Variants in SPTY2D1 observed in about 807,000 individuals in gnomAD.
SPTY2D1 encodes the protein SPT2 chromatin protein domain containing 1.
SPTY2D1 carries 21 observed loss-of-function variants against 64.0 expected under a neutral mutation model. The observed-to-expected ratio is 0.33, with a 90% CI of 0.23 to 0.47. The LOEUF (loss-of-function observed/expected upper bound fraction) is 0.47. Among genes scored for constraint, SPTY2D1 ranks in the 20% least tolerant of loss-of-function variants. The pLI is 1.00. For synonymous variants in SPTY2D1, 287 were observed against 286.8 expected, an observed-to-expected ratio of 1.00 and a Z score of -0.01; for missense variants, 724 against 837.2, an observed-to-expected ratio of 0.86 and a Z score of 1.67.
chr11:18,618,244 T>C (rs1854333096), intron 1 of SPTY2D1, among the ~76,000 whole-genome samples: 1 of 152,136 alleles, frequency 6.6e-6, no homozygotes, highest in South Asian at 2.1e-4. Flanking sequence ...AAAGGCCCAA[T>C]TCCCAGCAAC....
chr11:18,631,162 C>T (rs1000394845), intron 1 of SPTY2D1, among the ~76,000 whole-genome samples: 2 of 152,128 alleles, frequency 1.3e-5, no homozygotes, highest in African/African-American at 2.4e-5. Flanking sequence ...TTAATTGATA[C>T]GATAGTCCCC....
At chr11:18,624,643 A>G (rs994604578) in intron 1 of SPTY2D1, among the ~76,000 whole-genome samples, 29 of 152,232 alleles carry the variant, frequency 1.9e-4, no homozygotes, top group Admixed American at 2.6e-4. Flanking sequence ...GATTAAGAAA[A>G]TAAGGAGACA....
chr11:18,626,561 T>G (rs758915111), intron 1 of SPTY2D1, among the ~76,000 whole-genome samples: 1 of 152,182 alleles, frequency 6.6e-6, no homozygotes, highest in Admixed American at 6.6e-5. Context: ...CACAAGCTCA[T>G]GATTAAGAGC....
chr11:18,627,258 C>CA (rs1192277676), intron 1 of SPTY2D1, among the ~76,000 whole-genome samples: 2,520 of 48,724 alleles, frequency 0.052, 45 homozygotes, highest in African/African-American at 0.061. Flanking sequence ...ACTAAAAATA[C>CA]AAAAAAAAAA....
rs766753968 is a variant in SPTY2D1, at chr11:18,615,309, G to A, written c.965C>T (p.Pro322Leu). 5 of 1,614,086 alleles carry A rather than the reference G, an allele frequency of 3.1e-6. No homozygotes were observed. Among genetic ancestry groups the A allele is most frequent in the Non-Finnish European group, 2.5e-6 (3 of 1,180,046 alleles). Residue 322 changes from proline (P) to leucine (L), a missense_variant, in exon 3 of 6, where the codon CCA becomes CTA. By Grantham distance (98) the Pro-to-Leu change is moderately conservative. This residue lies in a region of SPTY2D1 where 426 missense variants were observed against 431.8 expected (regional missense o/e 0.99). Transcript: ENST00000336349. ...AGKPHSSTSS[P>L]SVPKTSASRT... ...GCTAGCAGAAGTCTTTGGGACACTT[G>A]GTGAAGAGGTGCTGGAATGAGGCTT...
In SPTY2D1 at chr11:18,609,621, T is replaced by G. The variant is rs778762001; in HGVS notation, c.*240A>C. Reference sequence around the variant, plus strand: ...TCATCAGGATCAAGGCTGGCATCTGTGAACAGTTAACTTCATAAGAGCACA... The same window carrying G: ...TCATCAGGATCAAGGCTGGCATCTGGGAACAGTTAACTTCATAAGAGCACA... On this transcript the variant is annotated 3_prime_UTR_variant, in exon 6 of 6. Coordinates refer to ENST00000336349, the MANE Select transcript of SPTY2D1 (RefSeq NM_194285.3). 2.5e-5 allele frequency: 13 copies of G among 510,918 alleles called. No individual in the cohort carries two copies. Among genetic ancestry groups the G allele is most frequent in the Non-Finnish European group, 4.5e-5 (13 of 287,968 alleles). 31.6% of individuals were successfully genotyped at this position (510,918 alleles called of 1,614,324 possible).
Position 18,611,510 on chromosome 11 carries a change from C to T in SPTY2D1, c.1931G>A (p.Ser644Asn). ...SDYALRYMES[S>N]WKEQQKEEAK... is the part of the protein sequence containing the mutation. ...TTCTTCCTTCTGCTGCTCTTTCCAA[C>T]TACTTTCCATGTAACGTAAGGCATA... Residue 644 changes from serine (S) to asparagine (N), a missense_variant, in exon 5 of 6, where the codon AGT (serine) becomes AAT (asparagine). By Grantham distance (46) the Ser-to-Asn change is conservative. Coordinates refer to ENST00000336349, the MANE Select transcript of SPTY2D1 (RefSeq NM_194285.3). The T allele has an allele frequency of 6.2e-7, 1 of 1,614,082 alleles. No individual in the cohort carries two copies. The highest frequency in any genetic ancestry group is 2.2e-5 in the East Asian group (1 of 44,876).
intron 1 of SPTY2D1, among the ~76,000 whole-genome samples, chr11:18,627,946 T>A (rs991258275): frequency 6.7e-6 from 1 of 149,644 alleles, no homozygotes; most frequent in East Asian, 2.0e-4. Flanking sequence ...TACTCGGGAG[T>A]CTGAGGCAGG....
chr11:18,613,047 G>A (rs974056126), intron 3 of SPTY2D1, among the ~76,000 whole-genome samples: 37 of 152,082 alleles, frequency 2.4e-4, no homozygotes, highest in African/African-American at 8.0e-4. Context: ...TACAGGCGGC[G>A]CCACCGCGCC....
At chr11:18,610,106 G>GA (rs1445941851) in intron 5 of SPTY2D1, 152 bp from the exon 6 acceptor site, 6 of 552,360 alleles carry the variant, frequency 1.1e-5, no homozygotes, top group Middle Eastern at 8.7e-4. Context: ...AACTAGCAGG[G>GA]ATATTTTTTT....
rs572180340 is a variant in SPTY2D1, at chr11:18,607,797, A to T, written c.*2064T>A. 6.6e-6 allele frequency: 1 copy of T among 152,326 alleles called. No individual in the cohort carries two copies. Among genetic ancestry groups the T allele is most frequent in the South Asian group, 2.1e-4 (1 of 4,832 alleles). 9.4% of individuals were successfully genotyped at this position (152,326 alleles called of 1,614,324 possible). ...ATATTATAGAAATGCACTCAGAAGT[A>T]ACAGACACACAAGGTTAAAACCTGA... On this transcript the variant is annotated 3_prime_UTR_variant, in exon 6 of 6. Transcript: ENST00000336349.
chr11:18,634,222 C>T lies in SPTY2D1; in HGVS notation c.36G>A (p.Lys12=), dbSNP rs1854633530. 3.7e-6 allele frequency: 6 copies of T among 1,614,222 alleles called. No individual in the cohort carries two copies. Among genetic ancestry groups the T allele is most frequent in the Non-Finnish European group, 5.1e-6 (6 of 1,180,046 alleles). The change falls in exon 1 of 6, where the codon AAG becomes AAA. Residue 12 remains lysine, a synonymous_variant. Coordinates refer to ENST00000336349, the MANE Select transcript of SPTY2D1 (RefSeq NM_194285.3). ...DFREILMIAS[K]GQGVNNVPKR... ...CCGGCACATTGTTGACACCTTGTCC[C>T]TTGGAAGCTATCATGAGAATTTCTC...
At chr11:18,629,791 CTA>C (rs1854556537) in intron 1 of SPTY2D1, among the ~76,000 whole-genome samples, 1 of 152,136 alleles carries the variant, frequency 6.6e-6, no homozygotes, top group African/African-American at 2.4e-5. Context: ...ACATAAAAAA[CTA>C]TTTGTTAAAA....
Position 18,615,752 on chromosome 11 carries a change from C to T in SPTY2D1, c.522G>A (p.Arg174=), listed in dbSNP as rs778881481. 1 of 1,613,780 alleles carries T rather than the reference C, an allele frequency of 6.2e-7. No individual in the cohort carries two copies. The highest frequency in any genetic ancestry group is 1.3e-5 in the African/African-American group (1 of 74,878). ...GTTCAAACTGCTTTTTCTCAGCCAGCCTGAGTAAATCAGTGAAGTTCATGG... is the reference window on the plus strand; with the variant it reads ...GTTCAAACTGCTTTTTCTCAGCCAGTCTGAGTAAATCAGTGAAGTTCATGG... ...PPPMNFTDLL[R]LAEKKQFEPV... Residue 174 remains arginine (R), a synonymous_variant, in exon 3 of 6, where the codon AGG becomes AGA. Coordinates refer to ENST00000336349, the MANE Select transcript of SPTY2D1 (RefSeq NM_194285.3).
Position 18,614,578 on chromosome 11 carries a change from A to G in SPTY2D1, c.1696T>C (p.Tyr566His), listed in dbSNP as rs771542385. The change falls in exon 3 of 6, where the codon TAC becomes CAC. Residue 566 changes from tyrosine (Y) to histidine (H), a missense_variant. Transcript: ENST00000336349. ...MNGMKPPLSG[Y>H]RAAQGPQRLP... ...GAAATTTTACCTTGGGCAGCTCTGT[A>G]GCCAGATAGGGGAGGCTTCATTCCA... 1 of 1,609,388 alleles carries G rather than the reference A, an allele frequency of 6.2e-7. No individual in the cohort carries two copies. The highest frequency in any genetic ancestry group is 1.1e-5 in the South Asian group (1 of 90,784).
chr11:18,607,739 GCT>G lies in SPTY2D1; in HGVS notation c.*2120_*2121del, dbSNP rs1199976917. On this transcript the variant is annotated 3_prime_UTR_variant, in exon 6 of 6. Coordinates refer to ENST00000336349, the MANE Select transcript of SPTY2D1 (RefSeq NM_194285.3). ...TTTCTTTTAAATGAGCCACAGAAGT[GCT>G]CTTTTATAATGTTGACGCAAATCAA... The G allele has an allele frequency of 6.6e-6, 1 of 152,104 alleles. No homozygotes were observed. The highest frequency in any genetic ancestry group is 1.9e-4 in the East Asian group (1 of 5,196). The allele number at this position is 152,104 out of a possible 1,614,324, so 9.4% of individuals were successfully genotyped here. A position where few individuals can be genotyped will look rare whatever the true frequency, so the allele number is the denominator to read the frequency against.
intron 5 of SPTY2D1, 105 bp from the exon 6 acceptor site, chr11:18,610,059 GCT>G: frequency 1.0e-6 from 1 of 1,001,384 alleles, no homozygotes; most frequent in Non-Finnish European, 1.5e-6. Flanking sequence ...TTGTGCTGAT[GCT>G]CTCAAAATGC....
intron 1 of SPTY2D1, among the ~76,000 whole-genome samples, chr11:18,617,703 C>A (rs905908041): frequency 2.7e-5 from 4 of 149,448 alleles, no homozygotes; most frequent in Non-Finnish European, 3.0e-5. Flanking sequence ...ACACTTTGGG[C>A]GGCTGAGGTG....
chr11:18,620,313 C>T (rs535207098), intron 1 of SPTY2D1, among the ~76,000 whole-genome samples: 2 of 151,336 alleles, frequency 1.3e-5, no homozygotes, highest in East Asian at 4.0e-4. Flanking sequence ...ACCCTGTCTC[C>T]ACTAAAAGTA....
Sources: gnomAD v4.1 joint callset for allele counts (sites outside exome capture counted in the v4.1 genomes callset) on GRCh38, gnomAD v4.1.1 for gene constraint, gnomAD v4.1.1 regional missense constraint, MANE v1.5 for transcripts, NCBI Gene and HGNC (gene_info 2026-07-23, HGNC 2026-07-21) for gene names.